Variants in ADAMTS17 observed in about 807,000 individuals in gnomAD.
ADAMTS17 encodes the protein A disintegrin and metalloproteinase with thrombospondin motifs 17.
Under a neutral mutation model 141.5 loss-of-function variants are expected in ADAMTS17, and 113 were observed. The observed-to-expected ratio is 0.80, with a 90% CI of 0.69 to 0.93. The LOEUF (loss-of-function observed/expected upper bound fraction) is 0.93, where lower values mean the gene tolerates loss of function less well. Ranked by LOEUF, ADAMTS17 falls within the 40% of genes least tolerant of loss-of-function variation. The pLI is 0.00. For missense variants in ADAMTS17, 1,659 were observed against 1,517.9 expected (o/e 1.09, Z -1.54); for synonymous variants, 768 against 630.6 (o/e 1.22, Z -3.27).
intron 9 of ADAMTS17, 24 bp downstream of exon 9, chr15:100,155,156 C>T (rs947467469): frequency 3.7e-6 from 6 of 1,614,182 alleles, no homozygotes. Flanking sequence ...TGCATTCATC[C>T]TATAGAATAA....
intron 7 of ADAMTS17, among the ~76,000 whole-genome samples, chr15:100,206,269 G>A (rs2041554029): frequency 6.6e-6 from 1 of 151,740 alleles, no homozygotes; most frequent in Non-Finnish European, 1.5e-5. Flanking sequence ...CAGCCTGCCG[G>A]ATGGCTGCAC....
At chr15:100,211,968 G>A (rs929301913) in intron 7 of ADAMTS17, among the ~76,000 whole-genome samples, 2 of 152,108 alleles carry the variant, frequency 1.3e-5, no homozygotes, top group Admixed American at 1.3e-4. Context: ...AAGTCAGGAA[G>A]TGGTTATATC....
intron 15 of ADAMTS17, among the ~76,000 whole-genome samples, chr15:100,059,065 G>T (rs1292646987): frequency 6.6e-6 from 1 of 152,226 alleles, no homozygotes; most frequent in Admixed American, 6.5e-5. Flanking sequence ...GTGGGGAAGA[G>T]ATGCCTCTAA....
At chr15:100,182,531 C>T (rs1596209789) in intron 8 of ADAMTS17, among the ~76,000 whole-genome samples, 1 of 152,178 alleles carries the variant, frequency 6.6e-6, no homozygotes, top group Non-Finnish European at 1.5e-5. Context: ...ACTGTGGCTG[C>T]TGTTGAAGGG....
rs2060273809 is a variant in ADAMTS17, at chr15:99,974,329, AAGGCTGGT to A, written c.*65_*72del. On this transcript the variant is annotated 3_prime_UTR_variant, in exon 22 of 22. Transcript: ENST00000268070. ...GGCAGCCGGGTGGGGGCGTGGCCACAAGGCTGGTAGGCTTGCGGGTGGGTGGGTTTCAG... is the reference window on the plus strand; with the variant it reads ...GGCAGCCGGGTGGGGGCGTGGCCACAAGGCTTGCGGGTGGGTGGGTTTCAG... 8 of 1,604,730 alleles carry A rather than the reference AAGGCTGGT, an allele frequency of 5.0e-6. No individual in the cohort carries two copies. The Admixed American group carries it at 1.3e-4, about 27-fold the overall frequency.
At chr15:100,245,417 T>G (rs1350144248) in intron 7 of ADAMTS17, among the ~76,000 whole-genome samples, 1 of 152,266 alleles carries the variant, frequency 6.6e-6, no homozygotes, top group African/African-American at 2.4e-5. Context: ...CTCAGCCCTC[T>G]TGCTTTCCAG....
intron 3 of ADAMTS17, among the ~76,000 whole-genome samples, chr15:100,318,534 C>A (rs541009900): frequency 6.6e-6 from 1 of 152,170 alleles, no homozygotes; most frequent in East Asian, 1.9e-4. Context: ...AGGCCCCTCA[C>A]CAGACACTGA....
chr15:100,159,571 C>G (rs2039594829), intron 8 of ADAMTS17, among the ~76,000 whole-genome samples: 1 of 152,216 alleles, frequency 6.6e-6, no homozygotes, highest in Non-Finnish European at 1.5e-5. Context: ...TTTCAATGAA[C>G]TCCGCCAAAT....
chr15:99,993,148 T>C lies in ADAMTS17; in HGVS notation c.2849A>G (p.Asn950Ser). 1.9e-6 allele frequency: 3 copies of C among 1,614,128 alleles called. No individual in the cohort carries two copies. The highest frequency in any genetic ancestry group is 2.5e-6 in the Non-Finnish European group (3 of 1,180,034). Reference sequence around the variant, plus strand: ...GGATGCGTCGCATTTCCCTTGTGAGTTGGTGCACGCCACGGTCCGTTTCCA... The same window carrying C: ...GGATGCGTCGCATTTCCCTTGTGAGCTGGTGCACGCCACGGTCCGTTTCCA... ...GVWKRTVACT[N>S]SQGKCDASTR... Residue 950 changes from asparagine (N) to serine (S), a missense_variant, in exon 20 of 22, where the codon AAC becomes AGC. Coordinates refer to ENST00000268070, the MANE Select transcript of ADAMTS17 (RefSeq NM_139057.4). This position sits in a 1 kb window ranked among gnomAD's most constrained non-coding sequence, Gnocchi z 4.3.
chr15:99,981,133 G>C (rs559293395), intron 20 of ADAMTS17, among the ~76,000 whole-genome samples: 1 of 152,236 alleles, frequency 6.6e-6, no homozygotes, highest in African/African-American at 2.4e-5. Context: ...ATGTGAATAA[G>C]AGGTTGTACT....
At chr15:100,185,541 C>T (rs2040683378) in intron 8 of ADAMTS17, among the ~76,000 whole-genome samples, 2 of 152,210 alleles carry the variant, frequency 1.3e-5, no homozygotes, top group Admixed American at 6.5e-5. Context: ...CAGAAGGCAG[C>T]ATCTTTGTGC....
chr15:100,300,867 A>G, intron 3 of ADAMTS17, among the ~76,000 whole-genome samples: 1 of 152,222 alleles, frequency 6.6e-6, no homozygotes, highest in East Asian at 1.9e-4. Context: ...CACTTCCTCA[A>G]AGAAGCTTTT....
rs574426005 is a variant in ADAMTS17 at position 100,261,632 on chromosome 15, T to C, written c.878A>G (p.Lys293Arg). The C allele has an allele frequency of 1.2e-6, 2 of 1,613,686 alleles. No homozygotes were observed. The highest frequency in any genetic ancestry group is 1.7e-6 in the Non-Finnish European group (2 of 1,179,842). The change falls in exon 6 of 22, where the codon AAG (lysine) becomes AGG (arginine). Residue 293 changes from lysine to arginine, a missense_variant. By Grantham distance (26) the Lys-to-Arg change is conservative (BLOSUM62 2). Transcript: ENST00000268070. ...KLVLLRQRPA[K>R]LSIGHHGERS... ...CTCACCATGGTGCCCAATGGACAAC[T>C]TAGCCTAAAAAAAGTCAGAGGACAG...
At chr15:100,152,878 T>G in intron 9 of ADAMTS17, 116 bp from the exon 10 acceptor site, 4 of 1,220,814 alleles carry the variant, frequency 3.3e-6, no homozygotes, top group Non-Finnish European at 4.3e-6. Flanking sequence ...TCCACGTTCC[T>G]TATGGAAAAA....
At chr15:100,053,798 C>G in intron 16 of ADAMTS17, 99 bp downstream of exon 16, 2 of 1,584,258 alleles carry the variant, frequency 1.3e-6, no homozygotes, top group Non-Finnish European at 1.7e-6. Context: ...GATGCATTTC[C>G]TGCCCCCGAG....
intron 8 of ADAMTS17, chr15:100,168,591 A>T (rs2040039476): frequency 6.6e-6 from 1 of 152,238 alleles, no homozygotes; most frequent in Admixed American, 6.5e-5. Flanking sequence ...GGTGTCGAGG[A>T]GGAACTTGCT....
At chr15:100,294,740 C>A (rs1201804531) in intron 3 of ADAMTS17, among the ~76,000 whole-genome samples, 4 of 152,202 alleles carry the variant, frequency 2.6e-5, no homozygotes, top group African/African-American at 9.7e-5. Context: ...TCCCCAACAT[C>A]CCACTCTAAC....
intron 15 of ADAMTS17, among the ~76,000 whole-genome samples, chr15:100,094,974 G>C (rs1396916615): frequency 6.6e-6 from 1 of 152,220 alleles, no homozygotes; most frequent in Non-Finnish European, 1.5e-5. Context: ...GCCCAACACA[G>C]GAGCCGCTGG....
intron 18 of ADAMTS17, among the ~76,000 whole-genome samples, chr15:100,038,494 A>G (rs2030955649): frequency 6.6e-6 from 1 of 151,336 alleles, no homozygotes; most frequent in Admixed American, 6.5e-5. Context: ...ATTCATGAAA[A>G]TGAATGTCTA....
Sources: gnomAD v4.1 joint callset for allele counts (sites outside exome capture counted in the v4.1 genomes callset) on GRCh38, gnomAD v4.1.1 for gene constraint, Gnocchi (gnomAD v3.1) non-coding constraint, MANE v1.5 for transcripts, NCBI Gene and HGNC (gene_info 2026-07-23, HGNC 2026-07-21) for gene names.